Variants in BLVRB observed in about 807,000 individuals in gnomAD.
BLVRB encodes biliverdin reductase B.
A neutral mutation model predicts 21.1 loss-of-function variants in BLVRB; 25 were observed. The observed-to-expected ratio is 1.19, with a 90% confidence interval of 0.86 to 1.66. The LOEUF is 1.66. Ranked by LOEUF, BLVRB falls within the 40% of genes most tolerant of loss-of-function variation. The pLI is 0.00. For synonymous variants in BLVRB, 128 were observed against 122.2 expected, an observed-to-expected ratio of 1.05 and a Z score of -0.31; for missense variants, 274 against 282.7, an observed-to-expected ratio of 0.97 and a Z score of 0.22.
intron 1 of BLVRB, among the ~76,000 whole-genome samples, chr19:40,459,101 G>A (rs1046309855): frequency 3.2e-4 from 48 of 150,108 alleles, no homozygotes; most frequent in Non-Finnish European, 5.6e-4. Flanking sequence ...AGGCTGAGGC[G>A]GGCAGATCAC....
At chr19:40,463,462 T>A (rs1419697008) in intron 1 of BLVRB, among the ~76,000 whole-genome samples, 1 of 151,890 alleles carries the variant, frequency 6.6e-6, no homozygotes, top group Non-Finnish European at 1.5e-5. Flanking sequence ...GGCACCAGAG[T>A]TCATGCCTGT....
Position 40,451,403 on chromosome 19 carries a change from AT to A in BLVRB, c.423del (p.Glu141AspfsTer4), listed in dbSNP as rs2079739027. The A allele has an allele frequency of 1.2e-6, 2 of 1,611,230 alleles. No homozygotes were observed. Among genetic ancestry groups the A allele is most frequent in the Admixed American group, 1.7e-5 (1 of 59,548 alleles). On this transcript the variant is annotated frameshift_variant, in exon 4 of 5. Transcript: ENST00000263368. LOFTEE classifies it high-confidence loss of function. The part of the protein sequence containing the change: ...DHIRMHKVLR[E>X]SGLKYVAVMP... The stretch of plus-strand genomic sequence containing the variant: ...ATCACAGCCACGTACTTCAGGCCTG[AT>A]TCCCGCAGCACCTTGTGCATCCGGA...
chr19:40,454,834 A>G (rs1002907347), intron 3 of BLVRB, among the ~76,000 whole-genome samples: 1 of 146,610 alleles, frequency 6.8e-6, no homozygotes, highest in African/African-American at 2.5e-5. Context: ...CGTGAGCCAC[A>G]GCACCCGGCT....
At chr19:40,455,486 G>A (rs1203971211) in intron 3 of BLVRB, among the ~76,000 whole-genome samples, 1 of 151,804 alleles carries the variant, frequency 6.6e-6, no homozygotes, top group African/African-American at 2.4e-5. Context: ...GATCACTTGA[G>A]GTCAGACCAG....
chr19:40,462,933 C>G (rs1168735645), intron 1 of BLVRB, among the ~76,000 whole-genome samples: 1 of 121,984 alleles, frequency 8.2e-6, no homozygotes, highest in Non-Finnish European at 1.8e-5. Context: ...GCCATCAATA[C>G]AAAAAATTTC....
chr19:40,451,751 TC>T (rs999675291), intron 3 of BLVRB, among the ~76,000 whole-genome samples: 48 of 152,236 alleles, frequency 3.2e-4, no homozygotes, highest in African/African-American at 1.1e-3. Flanking sequence ...CAGGCTGGTC[TC>T]AAACTCCTGA....
At chr19:40,458,568 A>T (rs2079773313) in intron 1 of BLVRB, 23 bp from the exon 2 acceptor site, 2 of 1,570,076 alleles carry the variant, frequency 1.3e-6, no homozygotes, top group South Asian at 2.4e-5. Context: ...AGGAGCAGAG[A>T]GCCTGGTCAG....
chr19:40,456,601 G>A (rs767676130), intron 3 of BLVRB, among the ~76,000 whole-genome samples: 19 of 152,142 alleles, frequency 1.2e-4, no homozygotes, highest in Non-Finnish European at 1.9e-4. Flanking sequence ...TAAGACATGG[G>A]AGAGTCTGGA....
At chr19:40,458,869 C>A (rs1047305759) in intron 1 of BLVRB, among the ~76,000 whole-genome samples, 4 of 151,606 alleles carry the variant, frequency 2.6e-5, no homozygotes, top group Admixed American at 1.3e-4. Flanking sequence ...ATTTTGCAAT[C>A]TTTTGTAGAG....
Position 40,458,177 on chromosome 19 carries a change from G to A in BLVRB, c.312C>T (p.Asp104=), listed in dbSNP as rs2079769913. The A allele has an allele frequency of 6.2e-7, 1 of 1,614,062 alleles. No individual in the cohort carries two copies. Among genetic ancestry groups the A allele is most frequent in the South Asian group, 1.1e-5 (1 of 91,054 alleles). ...IVAAMKAHGV[D]KVVACTSAFL... ...CACCCGAGGTGCAGGCCACGACCTT[G>A]TCCACACCATGAGCCTTCATGGCTG... is the stretch of plus-strand genomic sequence containing the variant. Residue 104 remains aspartate (D), a synonymous_variant, in exon 3 of 5, where the codon GAC becomes GAT. Transcript: ENST00000263368.
intron 1 of BLVRB, 87 bp from the exon 2 acceptor site, chr19:40,458,632 C>G (rs2079773571): frequency 9.1e-6 from 13 of 1,422,736 alleles, no homozygotes; most frequent in Non-Finnish European, 1.0e-5. Flanking sequence ...ACCATGAACT[C>G]TCAAATCCAT....
intron 3 of BLVRB, among the ~76,000 whole-genome samples, chr19:40,456,763 G>A (rs1178195285): frequency 1.3e-5 from 2 of 151,802 alleles, no homozygotes; most frequent in Non-Finnish European, 2.9e-5. Flanking sequence ...GGCAGGCGCC[G>A]GTAATCCCAG....
At chr19:40,455,534 TAC>T (rs2079758690) in intron 3 of BLVRB, among the ~76,000 whole-genome samples, 2 of 151,914 alleles carry the variant, frequency 1.3e-5, no homozygotes, top group East Asian at 1.9e-4. Flanking sequence ...ATACTAAAAA[TAC>T]ACACACACAA....
At chr19:40,462,765 C>T (rs1232020878) in intron 1 of BLVRB, among the ~76,000 whole-genome samples, 7 of 150,350 alleles carry the variant, frequency 4.7e-5, no homozygotes, top group Admixed American at 2.0e-4. Flanking sequence ...TGGTGGCAGG[C>T]GCCTGTAGTC....
At chr19:40,460,247 C>CATATATATATATATATATATATATAT (rs57153004) in intron 1 of BLVRB, among the ~76,000 whole-genome samples, 50 of 121,122 alleles carry the variant, frequency 4.1e-4, no homozygotes, top group African/African-American at 1.1e-3. Context: ...GTAATAGCAA[C>CATATATATATATATATATATATATAT]ATATATATAT....
intron 1 of BLVRB, among the ~76,000 whole-genome samples, chr19:40,459,045 C>T (rs1306693103): frequency 6.6e-6 from 1 of 151,490 alleles, no homozygotes; most frequent in Non-Finnish European, 1.5e-5. Flanking sequence ...TAGACCATAC[C>T]TTGGCCAGGC....
intron 4 of BLVRB, among the ~76,000 whole-genome samples, chr19:40,450,027 G>A (rs1382429492): frequency 1.2e-4 from 18 of 150,574 alleles, no homozygotes; most frequent in African/African-American, 3.2e-4. Context: ...GTGAAACCCC[G>A]TCTCTACTAA....
chr19:40,455,017 A>AT (rs35566164), intron 3 of BLVRB, among the ~76,000 whole-genome samples: 16 of 148,334 alleles, frequency 1.1e-4, no homozygotes, highest in South Asian at 2.1e-4. Context: ...AATTTTTTGT[A>AT]TTTTTTTTTT....
At chr19:40,465,068 C>G (rs989155290) in intron 1 of BLVRB, among the ~76,000 whole-genome samples, 1 of 152,184 alleles carries the variant, frequency 6.6e-6, no homozygotes, top group Non-Finnish European at 1.5e-5. Context: ...ACCTGACCCC[C>G]CAACTTTTTC....
Sources: allele counts gnomAD v4.1 joint callset (sites outside exome capture counted in the v4.1 genomes callset), GRCh38; gene constraint gnomAD v4.1.1; transcripts MANE v1.5; gene names NCBI Gene and HGNC (gene_info 2026-07-23, HGNC 2026-07-21).